Variants in CRTAP observed in about 807,000 individuals in gnomAD.
CRTAP encodes cartilage associated protein.
In CRTAP, 33 loss-of-function variants were observed where a neutral mutation model predicts 42.7. The ratio of observed to expected loss-of-function variants is 0.77; its 90% CI spans 0.59 to 1.03. The LOEUF is 1.03. Ranked by LOEUF, CRTAP falls within the 50% of genes least tolerant of loss-of-function variation. The probability of loss-of-function intolerance (pLI) is 0.00; values close to 1 mark genes in which losing one functional copy is unlikely to be tolerated. For missense variants in CRTAP, 613 were observed against 533.9 expected (o/e 1.15, Z -1.46); for synonymous variants, 243 against 217.7 (o/e 1.12, Z -1.02).
intron 2 of CRTAP, among the ~76,000 whole-genome samples, chr3:33,122,709 C>CA (rs58820155): frequency 0.11 from 9,555 of 87,238 alleles, 602 homozygotes; most frequent in East Asian, 0.46. Context: ...GACTCTGTCT[C>CA]AAAAAAAAAA....
intron 3 of CRTAP, among the ~76,000 whole-genome samples, chr3:33,127,069 T>G (rs1036172707): frequency 6.6e-6 from 1 of 150,718 alleles, no homozygotes; most frequent in Non-Finnish European, 1.5e-5. Context: ...AAAAACTTCC[T>G]TGTGGGCAAA....
intron 6 of CRTAP, among the ~76,000 whole-genome samples, chr3:33,137,280 C>T (rs1450564983): frequency 6.6e-6 from 1 of 152,146 alleles, no homozygotes; most frequent in Non-Finnish European, 1.5e-5. Flanking sequence ...GCTGGGATTA[C>T]AGGCGCGCAC....
Position 33,114,332 on chromosome 3 carries a change from C to T in CRTAP, c.255C>T (p.His85=), listed in dbSNP as rs1231938334. The T allele has an allele frequency of 2.0e-6, 3 of 1,538,432 alleles. No individual in the cohort carries two copies. Among genetic ancestry groups the T allele is most frequent in the East Asian group, 2.5e-5 (1 of 40,024 alleles). The change falls in exon 1 of 7, where the codon CAC becomes CAT. Residue 85 remains histidine (H), a synonymous_variant. Coordinates refer to ENST00000320954, the MANE Select transcript of CRTAP (RefSeq NM_006371.5). ...TGCGCGACAGCGAGGCCTTCTGCCA[C>T]CGCAACTGCAGCGCCGCGCCGCAGC... The part of the protein sequence containing the change: ...RLLRDSEAFC[H]RNCSAAPQPE...
At position 33,132,993 on chromosome 3, in the gene CRTAP, G is replaced by A. The variant is rs549073862; in HGVS notation, c.1068+293G>A. On this transcript the variant is annotated intron_variant, in intron 5 of 6. Transcript: ENST00000320954. ...CTTGGGAGGCTGAGGCAGAAGAATC[G>A]CTTGAACCCAGGGGCAGAGGTTGCT... is the stretch of plus-strand genomic sequence containing the variant. Among the ~76,000 whole-genome samples the A allele has an allele frequency of 2.8e-4, 17 of 61,786 alleles. No individual in the cohort carries two copies. In the South Asian group the frequency reaches 0.01, roughly 37 times the overall value. The allele number at this position is 61,786 out of a possible 152,430, so 40.5% of individuals were successfully genotyped here.
At chr3:33,118,373 C>T (rs1013094063) in intron 1 of CRTAP, among the ~76,000 whole-genome samples, 6 of 152,296 alleles carry the variant, frequency 3.9e-5, no homozygotes, top group African/African-American at 1.4e-4. Flanking sequence ...GAAGACTAGC[C>T]TTTTTCTGGC....
At position 33,114,512 on chromosome 3, in the gene CRTAP, C is replaced by T. The variant is rs753670727; in HGVS notation, c.435C>T (p.Arg145=). The part of the protein sequence containing the change: ...SREVLADFQR[R]EPYKFLQFAY... ...AGGTGCTGGCGGACTTCCAGCGCCG[C>T]GAGCCCTACAAGTTCCTGCAGTTCG... Residue 145 remains arginine, a synonymous_variant, in exon 1 of 7, where the codon CGC becomes CGT. Coordinates refer to ENST00000320954, the MANE Select transcript of CRTAP (RefSeq NM_006371.5). 8.1e-6 allele frequency: 13 copies of T among 1,603,928 alleles called. No homozygotes were observed. Among genetic ancestry groups the T allele is most frequent in the Admixed American group, 6.7e-5 (4 of 59,390 alleles).
intron 6 of CRTAP, among the ~76,000 whole-genome samples, chr3:33,135,505 C>T (rs7630201): frequency 0.13 from 18,972 of 151,676 alleles, 1,513 homozygotes; most frequent in East Asian, 0.26. Context: ...GGAGTGCACC[C>T]GTAGTCCTAG....
At chr3:33,119,051 G>A (rs1701381745) in intron 1 of CRTAP, among the ~76,000 whole-genome samples, 2 of 152,056 alleles carry the variant, frequency 1.3e-5, no homozygotes, top group South Asian at 4.1e-4. Flanking sequence ...CCTCAAACCT[G>A]TCAGGCTCTT....
In CRTAP at chr3:33,147,172, T is replaced by G. The variant is rs1277814998; in HGVS notation, c.*4724T>G. 3 of 152,784 alleles carry G rather than the reference T, an allele frequency of 2.0e-5. No homozygotes were observed. Among genetic ancestry groups the G allele is most frequent in the Non-Finnish European group, 4.4e-5 (3 of 68,154 alleles). The allele number at this position is 152,784 out of a possible 1,614,324, so 9.5% of individuals were successfully genotyped here. A position where few individuals can be genotyped will look rare whatever the true frequency, so the allele number is the denominator to read the frequency against. ...AGGAAAGAAAAAAAGGAAAGGAACC[T>G]TAAGTAAGCCTCAGCCAAAGGTTTT... is the stretch of plus-strand genomic sequence containing the variant. On this transcript the variant is annotated 3_prime_UTR_variant, in exon 7 of 7. Transcript: ENST00000320954.
chr3:33,117,595 C>G (rs1318078293), intron 1 of CRTAP, among the ~76,000 whole-genome samples: 1 of 152,240 alleles, frequency 6.6e-6, no homozygotes, highest in Admixed American at 6.5e-5. Context: ...CTAACCTGGA[C>G]AGAGAACACT....
rs775720622 is a variant in CRTAP at position 33,120,494 on chromosome 3, G to A, written c.621+1G>A. 3 of 1,607,386 alleles carry A rather than the reference G, an allele frequency of 1.9e-6. No homozygotes were observed. Among genetic ancestry groups the A allele is most frequent in the East Asian group, 4.5e-5 (2 of 44,526 alleles). ...AGACCTGGAAACCAAGTCATATGAA[G>A]TATGTTTGGATTTTTATGTGGCAGT... On this transcript the variant is annotated splice_donor_variant, in intron 2 of 6. Transcript: ENST00000320954. LOFTEE classifies it high-confidence loss of function.
chr3:33,133,226 C>A (rs542607825), intron 5 of CRTAP, among the ~76,000 whole-genome samples: 43 of 151,298 alleles, frequency 2.8e-4, no homozygotes, highest in Middle Eastern at 6.9e-3. Context: ...TCTCGGAAAA[C>A]AAAATTCTCT....
chr3:33,137,324 T>A (rs1348392874), intron 6 of CRTAP, among the ~76,000 whole-genome samples: 1 of 151,996 alleles, frequency 6.6e-6, no homozygotes. Flanking sequence ...TATTGTTAGT[T>A]GAGATGGAGT....
At chr3:33,122,974 T>G (rs571053370) in intron 2 of CRTAP, among the ~76,000 whole-genome samples, 2 of 152,230 alleles carry the variant, frequency 1.3e-5, no homozygotes, top group East Asian at 3.9e-4. Flanking sequence ...TCTCTCTCTT[T>G]TTTTTTTGAG....
chr3:33,118,085 C>T (rs960355682), intron 1 of CRTAP, among the ~76,000 whole-genome samples: 11 of 152,032 alleles, frequency 7.2e-5, no homozygotes, highest in Non-Finnish European at 1.3e-4. Context: ...CTCAGCCTCC[C>T]GAGTAGCTGG....
chr3:33,114,572 A>C, intron 1 of CRTAP, 24 bp downstream of exon 1: 1 of 1,555,556 alleles, frequency 6.4e-7, no homozygotes. Context: ...GCCCCGTCCC[A>C]GGCCCCGGCC....
intron 4 of CRTAP, among the ~76,000 whole-genome samples, chr3:33,130,525 C>CTTTT (rs765558103): frequency 0.029 from 1,572 of 54,862 alleles, no homozygotes; most frequent in Middle Eastern, 0.042. Flanking sequence ...CTTTTCTTTT[C>CTTTT]TTTTTTTTTT....
In CRTAP at chr3:33,147,570, T is replaced by C. The variant is rs1034063962; in HGVS notation, c.*5122T>C. On this transcript the variant is annotated 3_prime_UTR_variant, in exon 7 of 7. Coordinates refer to ENST00000320954, the MANE Select transcript of CRTAP (RefSeq NM_006371.5). The stretch of plus-strand genomic sequence containing the variant: ...AGCAATTTGGCCAACAGATACAAGA[T>C]AGATTCCAGAGTTTTATCTCCCACT... 6.6e-6 allele frequency: 1 copy of C among 152,198 alleles called. No individual in the cohort carries two copies. Among genetic ancestry groups the C allele is most frequent in the African/African-American group, 2.4e-5 (1 of 41,454 alleles). 9.4% of individuals were successfully genotyped at this position (152,198 alleles called of 1,614,324 possible). A position where few individuals can be genotyped will look rare whatever the true frequency, so the allele number is the denominator to read the frequency against.
In CRTAP at chr3:33,124,441, G is replaced by A. The variant is rs145048208; in HGVS notation, c.655G>A (p.Gly219Ser). 679 of 1,614,032 alleles carry A rather than the reference G, an allele frequency of 4.2e-4. 2 individuals carry two copies. Among genetic ancestry groups the A allele is most frequent in the Non-Finnish European group, 5.3e-4 (623 of 1,180,048 alleles). The change falls in exon 3 of 7, where the codon GGT (glycine) becomes AGT (serine). Residue 219 changes from glycine (G) to serine (S), a missense_variant. Coordinates refer to ENST00000320954, the MANE Select transcript of CRTAP (RefSeq NM_006371.5). ...LFIRAVRAYNGENWRTSITDM... is the reference protein window; with the variant it reads ...LFIRAVRAYNSENWRTSITDM... The stretch of plus-strand genomic sequence containing the variant: ...CATCCGAGCAGTGCGGGCATACAAC[G>A]GTGAGAACTGGAGAACATCCATCAC...
Sources: gnomAD v4.1 joint callset for allele counts (sites outside exome capture counted in the v4.1 genomes callset) on GRCh38, gnomAD v4.1.1 for gene constraint, MANE v1.5 for transcripts, NCBI Gene and HGNC (gene_info 2026-07-23, HGNC 2026-07-21) for gene names.